ATF7: variants seen among roughly 807,000 people sequenced by gnomAD.
ATF7 encodes activating transcription factor 7.
A neutral mutation model predicts 50.4 loss-of-function variants in ATF7; 10 were observed. The ratio of observed to expected loss-of-function variants is 0.20; its 90% CI spans 0.12 to 0.34. The LOEUF (loss-of-function observed/expected upper bound fraction) is 0.34. Ranked by LOEUF, ATF7 falls within the 10% of genes least tolerant of loss-of-function variation. The pLI, the probability that ATF7 is intolerant of heterozygous loss-of-function variation, is 1.00. For missense variants in ATF7, 465 were observed against 613.9 expected (o/e 0.76, Z 2.56); for synonymous variants, 201 against 226.4 (o/e 0.89, Z 1.01).
chr12:53,539,686 CAATGAATG>C lies in ATF7; in HGVS notation c.265-2142_265-2135del, dbSNP rs144445994. On this transcript the variant is annotated intron_variant, in intron 4 of 11. Transcript: ENST00000420353. Reference sequence around the variant, plus strand: ...CCTGGGAGACAGAGCAAGATCCTGTCAATGAATGAATGAATGAATGAATGAATGAATGA... The same window carrying C: ...CCTGGGAGACAGAGCAAGATCCTGTCAATGAATGAATGAATGAATGAATGA... 7.8e-3 allele frequency among the ~76,000 whole-genome samples: 1,153 copies of C among 148,430 alleles called. 11 individuals carry two copies. Among genetic ancestry groups the C allele is most frequent in the African/African-American group, 0.016 (646 of 39,944 alleles).
intron 2 of ATF7, among the ~76,000 whole-genome samples, chr12:53,577,295 G>A (rs1024476549): frequency 6.6e-6 from 1 of 151,644 alleles, no homozygotes; most frequent in Admixed American, 6.6e-5. Context: ...TTGAGGATAT[G>A]ACAATAGAAA....
At chr12:53,614,144 GT>G (rs905290610) in intron 1 of ATF7, among the ~76,000 whole-genome samples, 10 of 151,566 alleles carry the variant, frequency 6.6e-5, no homozygotes, top group African/African-American at 2.4e-4. Flanking sequence ...ACTACTTGAA[GT>G]TTTTTTTTAA....
At chr12:53,591,070 T>G (rs1023603817) in intron 2 of ATF7, among the ~76,000 whole-genome samples, 2 of 152,180 alleles carry the variant, frequency 1.3e-5, no homozygotes, top group Non-Finnish European at 2.9e-5. Flanking sequence ...GTAACAAATA[T>G]AGCACACTGA....
At chr12:53,519,568 G>T (rs1937970088) in intron 11 of ATF7, among the ~76,000 whole-genome samples, 1 of 152,006 alleles carries the variant, frequency 6.6e-6, no homozygotes, top group African/African-American at 2.4e-5. Flanking sequence ...TGGGCGTGGT[G>T]GTGCCCGCCT....
intron 2 of ATF7, among the ~76,000 whole-genome samples, chr12:53,567,593 G>A (rs1432613911): frequency 6.6e-6 from 1 of 152,200 alleles, no homozygotes; most frequent in Non-Finnish European, 1.5e-5. Flanking sequence ...TTACTTGGAT[G>A]GGTTAAATGC....
Position 53,516,473 on chromosome 12 carries a change from T to C in ATF7, c.*664A>G, listed in dbSNP as rs1249630039. 6.5e-6 allele frequency: 1 copy of C among 152,788 alleles called. No individual in the cohort carries two copies. The highest frequency in any genetic ancestry group is 1.5e-5 in the Non-Finnish European group (1 of 68,154). 9.5% of individuals were successfully genotyped at this position (152,788 alleles called of 1,614,324 possible). A position where few individuals can be genotyped will look rare whatever the true frequency, so the allele number is the denominator to read the frequency against. On this transcript the variant is annotated 3_prime_UTR_variant, in exon 12 of 12. Coordinates refer to ENST00000420353, the MANE Select transcript of ATF7 (RefSeq NM_006856.3). ...GAATTAGAACTCTTGAGGGTTTCTTTCTTTTTGGTGGCAGGTAGAGAGAAG... is the reference window on the plus strand; with the variant it reads ...GAATTAGAACTCTTGAGGGTTTCTTCCTTTTTGGTGGCAGGTAGAGAGAAG...
chr12:53,541,434 T>C (rs538069793), intron 4 of ATF7, among the ~76,000 whole-genome samples: 1 of 152,300 alleles, frequency 6.6e-6, no homozygotes, highest in Admixed American at 6.5e-5. Context: ...AGAATTCTAA[T>C]TCTAAAGTAA....
chr12:53,521,102 C>T (rs1403248011), intron 11 of ATF7, among the ~76,000 whole-genome samples: 1 of 152,050 alleles, frequency 6.6e-6, no homozygotes, highest in East Asian at 1.9e-4. Context: ...AAGTGATTCT[C>T]CTGCCTCAGG....
At chr12:53,564,934 T>C (rs1344713515) in intron 2 of ATF7, among the ~76,000 whole-genome samples, 1 of 150,908 alleles carries the variant, frequency 6.6e-6, no homozygotes, top group Non-Finnish European at 1.5e-5. Flanking sequence ...AGTATATTTT[T>C]ATGTGTGGCC....
chr12:53,543,381 A>G lies in ATF7; in HGVS notation c.213T>C (p.Ala71=), dbSNP rs769195147. The G allele has an allele frequency of 2.5e-6, 4 of 1,601,852 alleles. No homozygotes were observed. In the South Asian group the frequency reaches 4.5e-5, roughly 18 times the overall value. The change falls in exon 4 of 12, where the codon GCT becomes GCC. Residue 71 remains alanine, a synonymous_variant. Coordinates refer to ENST00000420353, the MANE Select transcript of ATF7 (RefSeq NM_006856.3). ...CEEVGLFNEL[A]SSFEHEFKKA... Reference sequence around the variant, plus strand: ...TCTTGAATTCATGTTCAAAGGAGCTAGCTAGTTCATTGAAGAGTCCCACCT... The same window carrying G: ...TCTTGAATTCATGTTCAAAGGAGCTGGCTAGTTCATTGAAGAGTCCCACCT...
chr12:53,616,283 C>T (rs1446352476), intron 1 of ATF7, among the ~76,000 whole-genome samples: 1 of 152,142 alleles, frequency 6.6e-6, no homozygotes, highest in African/African-American at 2.4e-5. Flanking sequence ...AGTGCAGTGG[C>T]GTGATGTCAG....
intron 2 of ATF7, among the ~76,000 whole-genome samples, chr12:53,599,208 AT>A (rs200678097): frequency 3.8e-4 from 56 of 146,304 alleles, no homozygotes; most frequent in East Asian, 6.0e-4. Context: ...TAATTTTTAA[AT>A]TTTTTTTTTT....
chr12:53,576,831 A>G (rs1460318417), intron 2 of ATF7, among the ~76,000 whole-genome samples: 2 of 151,980 alleles, frequency 1.3e-5, no homozygotes, highest in Non-Finnish European at 2.9e-5. Context: ...GAGGTGGGTG[A>G]ATCACTTGAG....
chr12:53,608,311 T>G (rs1195236081), intron 1 of ATF7, among the ~76,000 whole-genome samples: 1 of 151,556 alleles, frequency 6.6e-6, no homozygotes, highest in Non-Finnish European at 1.5e-5. Context: ...ATTTAAAAAT[T>G]ATACAAAACT....
chr12:53,603,591 A>G (rs1943488311), intron 1 of ATF7, among the ~76,000 whole-genome samples: 1 of 151,988 alleles, frequency 6.6e-6, no homozygotes, highest in Non-Finnish European at 1.5e-5. Context: ...AACACCCACA[A>G]TTATTCTTAA....
Position 53,514,959 on chromosome 12 carries a change from T to A in ATF7, c.*2178A>T, listed in dbSNP as rs1035587513. The A allele has an allele frequency of 6.6e-6, 1 of 151,864 alleles. No individual in the cohort carries two copies. Among genetic ancestry groups the A allele is most frequent in the African/African-American group, 2.4e-5 (1 of 41,312 alleles). 9.4% of individuals were successfully genotyped at this position (151,864 alleles called of 1,614,324 possible). On this transcript the variant is annotated 3_prime_UTR_variant, in exon 12 of 12. Transcript: ENST00000420353. Reference sequence around the variant, plus strand: ...AACAAAACTCTAAAGCAGGAGAAAATCCCAGGGAGCAGCCAGCTAAAGGGG... The same window carrying A: ...AACAAAACTCTAAAGCAGGAGAAAAACCCAGGGAGCAGCCAGCTAAAGGGG...
intron 1 of ATF7, among the ~76,000 whole-genome samples, chr12:53,620,448 C>T (rs1302806676): frequency 6.0e-5 from 9 of 149,428 alleles, no homozygotes; most frequent in Admixed American, 2.7e-4. Context: ...TAGTGGCGGG[C>T]GCCTGTAGTC....
At chr12:53,544,804 T>C (rs1038576380) in intron 3 of ATF7, among the ~76,000 whole-genome samples, 2 of 151,928 alleles carry the variant, frequency 1.3e-5, no homozygotes, top group African/African-American at 2.4e-5. Flanking sequence ...CAATTGAAAA[T>C]AGTCCAATGG....
chr12:53,579,528 G>A (rs1227147106), intron 2 of ATF7, among the ~76,000 whole-genome samples: 1 of 151,122 alleles, frequency 6.6e-6, no homozygotes, highest in African/African-American at 2.4e-5. Flanking sequence ...CTCCACCCTG[G>A]GAGACAGTGC....
Sources: allele counts gnomAD v4.1 joint callset (sites outside exome capture counted in the v4.1 genomes callset), GRCh38; gene constraint gnomAD v4.1.1; transcripts MANE v1.5; gene names NCBI Gene and HGNC (gene_info 2026-07-23, HGNC 2026-07-21).